Variants in OCA2 observed in about 807,000 individuals in gnomAD.
The protein encoded by OCA2 is P protein.
In OCA2, 77 loss-of-function variants were observed where a neutral mutation model predicts 100.2. The ratio of observed to expected loss-of-function variants is 0.77; its 90% CI spans 0.64 to 0.93. OCA2 has a LOEUF of 0.93. OCA2 is among the 40% of genes least tolerant of loss of function. The probability of loss-of-function intolerance (pLI) is 0.00; values close to 1 mark genes in which losing one functional copy is unlikely to be tolerated. For missense variants in OCA2, 1,062 were observed against 1,089.1 expected (o/e 0.98, Z 0.35); for synonymous variants, 432 against 439.2 (o/e 0.98, Z 0.21).
At chr15:27,783,059 T>C (rs560027311) in intron 23 of OCA2, among the ~76,000 whole-genome samples, 4 of 152,290 alleles carry the variant, frequency 2.6e-5, no homozygotes, top group Non-Finnish European at 4.4e-5. Flanking sequence ...CAGGTAATCA[T>C]GTGCCTAAAT....
chr15:27,985,197 A>G lies in OCA2; in HGVS notation c.1240-9T>C, dbSNP rs375750722. 3.7e-5 allele frequency: 60 copies of G among 1,613,480 alleles called. No homozygotes were observed. The highest frequency in any genetic ancestry group is 4.7e-5 in the Non-Finnish European group (56 of 1,179,956). On this transcript the variant is annotated splice_polypyrimidine_tract_variant and intron_variant, in intron 12 of 23. Coordinates refer to ENST00000354638, the MANE Select transcript of OCA2 (RefSeq NM_000275.3). ...CGGGAGAGCCGGTATGCCTGGCCAC[A>G]CACACACAGAGAGAGTACAAGCCAG...
At chr15:27,832,866 G>A (rs2035015541) in intron 23 of OCA2, among the ~76,000 whole-genome samples, 1 of 147,624 alleles carries the variant, frequency 6.8e-6, no homozygotes, top group African/African-American at 2.5e-5. Flanking sequence ...AGGCTGGAGT[G>A]CAGCAGCACG....
chr15:27,819,437 G>A (rs926517512), intron 23 of OCA2, among the ~76,000 whole-genome samples: 1 of 152,230 alleles, frequency 6.6e-6, no homozygotes, highest in African/African-American at 2.4e-5. Flanking sequence ...ATCTCCAAGG[G>A]AGAAGTAACT....
chr15:28,096,383 C>G (rs1022892465), intron 1 of OCA2, among the ~76,000 whole-genome samples: 3 of 152,166 alleles, frequency 2.0e-5, no homozygotes, highest in African/African-American at 4.8e-5. Flanking sequence ...GAGGCGTAGC[C>G]GTGTCTCGGG....
intron 2 of OCA2, among the ~76,000 whole-genome samples, chr15:28,051,765 G>A (rs181513996): frequency 5.9e-5 from 9 of 152,086 alleles, no homozygotes; most frequent in African/African-American, 1.9e-4. Context: ...TGTAGTCTCC[G>A]AAGGGTGCAG....
chr15:27,730,241 G>A, the OCA2 span, among the ~76,000 whole-genome samples: 1 of 152,150 alleles, frequency 6.6e-6, no homozygotes, highest in East Asian at 1.9e-4. Context: ...AATTATAGAG[G>A]ATACAAGTCA....
rs1436880387 is a variant in OCA2, at chr15:28,027,937, G to A, written c.449C>T (p.Ser150Phe). ...AAGGTCTCCCTTCTCGGAGGAGGCA[G>A]ATGCAGACAGACCAGACACCTCCCT... ...LSREVSGLSA[S>F]ASSEKGDLLD... Residue 150 changes from serine to phenylalanine, a missense_variant, in exon 4 of 24, where the codon TCT becomes TTT. Physicochemically the swap from Ser to Phe is radical, Grantham distance 155 (BLOSUM62 -2). Coordinates refer to ENST00000354638, the MANE Select transcript of OCA2 (RefSeq NM_000275.3). 2 of 1,614,080 alleles carry A rather than the reference G, an allele frequency of 1.2e-6. No homozygotes were observed. Among genetic ancestry groups the A allele is most frequent in the South Asian group, 2.2e-5 (2 of 91,086 alleles).
chr15:28,028,071 G>A lies in OCA2; in HGVS notation c.327-12C>T, dbSNP rs1346586077. 1.2e-6 allele frequency: 2 copies of A among 1,614,178 alleles called. No individual in the cohort carries two copies. Among genetic ancestry groups the A allele is most frequent in the South Asian group, 1.1e-5 (1 of 91,082 alleles). ...GTATGCACCGTGACCTGGAAAGCAA[G>A]AGAGGTGTGGTTATCTCTCCTGAAA... On this transcript the variant is annotated splice_polypyrimidine_tract_variant and intron_variant, in intron 3 of 23. Coordinates refer to ENST00000354638, the MANE Select transcript of OCA2 (RefSeq NM_000275.3).
At chr15:28,058,692 A>G (rs2043780108) in intron 2 of OCA2, among the ~76,000 whole-genome samples, 1 of 152,248 alleles carries the variant, frequency 6.6e-6, no homozygotes, top group South Asian at 2.1e-4. Context: ...GCTCTTTTGT[A>G]TAAATAGTAA....
At chr15:27,735,978 T>C in the OCA2 span, among the ~76,000 whole-genome samples, 1 of 152,160 alleles carries the variant, frequency 6.6e-6, no homozygotes, top group Non-Finnish European at 1.5e-5. Flanking sequence ...AGAATGGACA[T>C]TGGGTGTTCT....
At chr15:27,942,019 G>C (rs959951433) in intron 18 of OCA2, among the ~76,000 whole-genome samples, 1 of 152,066 alleles carries the variant, frequency 6.6e-6, no homozygotes, top group Non-Finnish European at 1.5e-5. Context: ...AAGTGCTGGT[G>C]AAAGTGTGGA....
At chr15:27,924,211 G>A (rs994383675) in intron 19 of OCA2, among the ~76,000 whole-genome samples, 2 of 152,006 alleles carry the variant, frequency 1.3e-5, no homozygotes, top group African/African-American at 2.4e-5. Context: ...TGTTCCATTG[G>A]TCTATGTGAC....
chr15:27,945,277 G>A (rs2039792374), intron 18 of OCA2, among the ~76,000 whole-genome samples: 1 of 152,146 alleles, frequency 6.6e-6, no homozygotes. Flanking sequence ...CCTGTGCTAG[G>A]AGATGAAAGA....
chr15:27,950,507 G>A (rs1240511565), intron 18 of OCA2: 2 of 516,486 alleles, frequency 3.9e-6, no homozygotes, highest in Admixed American at 3.9e-5. Context: ...ATTCCAAGCA[G>A]ATCAGCTCTC....
Position 28,081,828 on chromosome 15 carries a change from G to A in OCA2, c.47C>T (p.Ala16Val), listed in dbSNP as rs776573914. The change falls in exon 2 of 24, where the codon GCG becomes GTG. Residue 16 changes from alanine (A) to valine (V), a missense_variant. Transcript: ENST00000354638. ...RDGRRYPGAP[A>V]VELLQTSVPS... ...CACGGACGTCTGCAGGAGCTCCACC[G>A]CCGGCGCGCCGGGGTACCGCCTGCC... 8 of 1,611,668 alleles carry A rather than the reference G, an allele frequency of 5.0e-6. No individual in the cohort carries two copies. The East Asian group carries it at 6.7e-5, about 13-fold the overall frequency.
At chr15:27,822,410 G>A (rs2034541348) in intron 23 of OCA2, among the ~76,000 whole-genome samples, 2 of 152,166 alleles carry the variant, frequency 1.3e-5, no homozygotes, top group South Asian at 2.1e-4. Flanking sequence ...ACATTCTTAA[G>A]TGAAAACAGA....
At chr15:27,793,124 T>C (rs1010958365) in intron 23 of OCA2, among the ~76,000 whole-genome samples, 20 of 152,338 alleles carry the variant, frequency 1.3e-4, no homozygotes, top group African/African-American at 4.6e-4. Flanking sequence ...ATGGAAGTAA[T>C]TGAGTGACCA....
chr15:28,076,693 A>C (rs2044436733), intron 2 of OCA2, among the ~76,000 whole-genome samples: 1 of 151,156 alleles, frequency 6.6e-6, no homozygotes, highest in South Asian at 2.1e-4. Flanking sequence ...TAAAAATACA[A>C]AAAATTAGCC....
chr15:27,790,520 G>A (rs55924703), intron 23 of OCA2, among the ~76,000 whole-genome samples: 23,353 of 151,974 alleles, frequency 0.15, 2,922 homozygotes, highest in East Asian at 0.58. Flanking sequence ...CATTATGGTA[G>A]GTGGAGGAAA....
Sources: gnomAD v4.1 joint callset for allele counts (sites outside exome capture counted in the v4.1 genomes callset) on GRCh38, gnomAD v4.1.1 for gene constraint, MANE v1.5 for transcripts, NCBI Gene and HGNC (gene_info 2026-07-23, HGNC 2026-07-21) for gene names.